The following MYBPC1 variants were observed in gnomAD, a reference collection of about 807,000 sequenced individuals.
MYBPC1 encodes the protein myosin-binding protein C, slow-type.
A neutral mutation model predicts 147.1 loss-of-function variants in MYBPC1; 52 were observed. That is an observed-to-expected ratio of 0.35 (90% CI 0.28 to 0.45). MYBPC1 has a LOEUF of 0.45. MYBPC1 is among the 20% of genes least tolerant of loss of function. The probability of loss-of-function intolerance (pLI) is 1.00; values close to 1 mark genes in which losing one functional copy is unlikely to be tolerated. For synonymous variants in MYBPC1, 477 were observed against 475.9 expected (o/e 1.00, Z -0.03); for missense variants, 1,228 against 1,440.3 (o/e 0.85, Z 2.39).
At chr12:101,621,754 A>G (rs1887449867) in intron 3 of MYBPC1, among the ~76,000 whole-genome samples, 1 of 152,172 alleles carries the variant, frequency 6.6e-6, no homozygotes, top group Admixed American at 6.5e-5. Context: ...CTTTATGCCC[A>G]AGAGAGTTTG....
chr12:101,644,004 A>G, intron 11 of MYBPC1, among the ~76,000 whole-genome samples: 1 of 152,178 alleles, frequency 6.6e-6, no homozygotes, highest in East Asian at 1.9e-4. Context: ...ACTAACAGTA[A>G]TTCTGCTGGA....
Position 101,595,006 on chromosome 12 carries a change from G to A in MYBPC1, c.-65G>A. On this transcript the variant is annotated 5_prime_UTR_variant, in exon 1 of 32. Coordinates refer to ENST00000361466, the MANE Select transcript of MYBPC1 (RefSeq NM_002465.4). ...CCTGCACCATCTCTCGCCTGCCTGT[G>A]GGGTTTCTGTCAACTAGTCGTGGAG... The A allele has an allele frequency of 6.5e-7, 1 of 1,527,288 alleles. No individual in the cohort carries two copies. The highest frequency in any genetic ancestry group is 2.3e-5 in the East Asian group (1 of 44,410). The allele number at this position is 1,527,288 out of a possible 1,614,324, so 94.6% of individuals were successfully genotyped here.
rs1234245083 is a variant in MYBPC1 at position 101,614,433 on chromosome 12, T to C, written c.26-63T>C. The C allele has an allele frequency of 1.9e-6, 3 of 1,593,624 alleles. No individual in the cohort carries two copies. The African/African-American group carries it at 4.1e-5, about 22-fold the overall frequency. ...CTGCAGCAGAAGCTGCCTGGGGCTG[T>C]AGAAAGCAGTTCTTCTCTGTGATAA... On this transcript the variant is annotated intron_variant, in intron 1 of 31. Coordinates refer to ENST00000361466, the MANE Select transcript of MYBPC1 (RefSeq NM_002465.4).
intron 4 of MYBPC1, 84 bp from the exon 5 acceptor site, chr12:101,627,685 G>A: frequency 6.7e-7 from 1 of 1,482,450 alleles, no homozygotes; most frequent in African/African-American, 1.4e-5. Context: ...AGGGTTTAGG[G>A]GAATCCAAGA....
chr12:101,613,115 A>G (rs1469543175), intron 1 of MYBPC1, among the ~76,000 whole-genome samples: 2 of 152,242 alleles, frequency 1.3e-5, no homozygotes, highest in African/African-American at 4.8e-5. Context: ...TTTTTAAAAA[A>G]CAATAAATTG....
In MYBPC1 at chr12:101,651,365, G is replaced by T; in HGVS notation, c.1498G>T (p.Asp500Tyr). The part of the protein sequence containing the change: ...TKNGLPVQES[D>Y]RLKVVHKGRI... ...AAATGGCCTACCTGTTCAGGAGAGT[G>T]ACCGTCTAAAGGTGGTTCACAAGGG... Residue 500 changes from aspartate (D) to tyrosine (Y), a missense_variant, in exon 16 of 32, where the codon GAC becomes TAC. By Grantham distance (160) the Asp-to-Tyr change is radical. This residue lies in a region of MYBPC1 where 1,077 missense variants were observed against 1,314.2 expected (regional missense o/e 0.82). Transcript: ENST00000361466. 6.2e-7 allele frequency: 1 copy of T among 1,614,120 alleles called. No homozygotes were observed. The highest frequency in any genetic ancestry group is 1.1e-5 in the South Asian group (1 of 91,048).
intron 3 of MYBPC1, among the ~76,000 whole-genome samples, chr12:101,625,565 C>T (rs2135972968): frequency 6.6e-6 from 1 of 152,314 alleles, no homozygotes; most frequent in Admixed American, 6.5e-5. Context: ...TTAGTTAGTG[C>T]AGCTTTTCAT....
Position 101,642,503 on chromosome 12 carries a change from C to G in MYBPC1, c.750C>G (p.Ile250Met). 1 of 1,613,844 alleles carries G rather than the reference C, an allele frequency of 6.2e-7. No individual in the cohort carries two copies. The highest frequency in any genetic ancestry group is 8.5e-7 in the Non-Finnish European group (1 of 1,179,922). Reference sequence around the variant, plus strand: ...CGAAACCCAGTGAGTACGAGAAGATCGCCTTCCAGTATGGAATCACCGACC... The same window carrying G: ...CGAAACCCAGTGAGTACGAGAAGATGGCCTTCCAGTATGGAATCACCGACC... ...KNAKPSEYEK[I>M]AFQYGITDLR... is the part of the protein sequence containing the mutation. Residue 250 changes from isoleucine to methionine, a missense_variant, in exon 11 of 32, where the codon ATC becomes ATG. Physicochemically the swap from Ile to Met is conservative, Grantham distance 10. Transcript: ENST00000361466.
chr12:101,687,156 G>A (rs979065830), downstream of MYBPC1, among the ~76,000 whole-genome samples: 1 of 152,012 alleles, frequency 6.6e-6, no homozygotes, highest in Admixed American at 6.5e-5. Context: ...CATGTGCCAT[G>A]TTGGTGTGCT....
intron 8 of MYBPC1, 110 bp from the exon 9 acceptor site, chr12:101,634,444 C>A (rs181488415): frequency 1.6e-5 from 14 of 880,668 alleles, no homozygotes; most frequent in African/African-American, 5.0e-5. Context: ...AAGCCTCCCC[C>A]CTTCACCTGA....
chr12:101,666,894 T>TACAC (rs1201276523), intron 22 of MYBPC1: 7,077 of 312,146 alleles, frequency 0.023, 261 homozygotes, highest in African/African-American at 0.12. Flanking sequence ...ATCACATACA[T>TACAC]ACACACACAC....
chr12:101,683,231 A>C (rs1341369570), intron 30 of MYBPC1, among the ~76,000 whole-genome samples: 3 of 152,060 alleles, frequency 2.0e-5, no homozygotes, highest in Admixed American at 6.6e-5. Flanking sequence ...GGAGTCCAAG[A>C]TCAGATTGGG....
intron 2 of MYBPC1, among the ~76,000 whole-genome samples, chr12:101,616,685 A>C (rs1282858006): frequency 1.3e-5 from 2 of 152,126 alleles, no homozygotes; most frequent in East Asian, 3.8e-4. Context: ...ATTTATTGCC[A>C]CTAAACCCAA....
intron 19 of MYBPC1, chr12:101,660,550 G>T (rs998121964): frequency 6.2e-6 from 1 of 161,022 alleles, no homozygotes; most frequent in African/African-American, 2.4e-5. Context: ...CGGGTTTAAG[G>T]GATTTGGAGA....
intron 23 of MYBPC1, 88 bp from the exon 24 acceptor site, chr12:101,670,233 C>A (rs566527602): frequency 5.9e-4 from 590 of 994,396 alleles, no homozygotes; most frequent in Non-Finnish European, 8.5e-4. Context: ...CAAGGGTACG[C>A]TGGTGAGCAT....
At chr12:101,688,967 A>G (rs1951384390), downstream of MYBPC1, among the ~76,000 whole-genome samples, 1 of 35,578 alleles carries the variant, frequency 2.8e-5, no homozygotes. Context: ...AAAAAAAAAA[A>G]AGAAAAAGAA....
At chr12:101,620,314 G>T (rs1374940345) in intron 3 of MYBPC1, among the ~76,000 whole-genome samples, 1 of 152,188 alleles carries the variant, frequency 6.6e-6, no homozygotes, top group African/African-American at 2.4e-5. Context: ...CAAATTGATG[G>T]AACACTAAAT....
At chr12:101,641,962 T>C (rs1014688629) in intron 10 of MYBPC1, among the ~76,000 whole-genome samples, 1 of 152,196 alleles carries the variant, frequency 6.6e-6, no homozygotes, top group African/African-American at 2.4e-5. Flanking sequence ...TTAGCTAGGG[T>C]GTGTACATCA....
At chr12:101,667,392 A>T (rs1157191977) in intron 22 of MYBPC1, among the ~76,000 whole-genome samples, 1 of 152,236 alleles carries the variant, frequency 6.6e-6, no homozygotes, top group Admixed American at 6.5e-5. Flanking sequence ...TGATTGCATG[A>T]ATCATTATAA....
Sources: allele counts gnomAD v4.1 joint callset (sites outside exome capture counted in the v4.1 genomes callset), GRCh38; gene constraint gnomAD v4.1.1; regional missense constraint gnomAD v4.1.1; transcripts MANE v1.5; gene names NCBI Gene and HGNC (gene_info 2026-07-23, HGNC 2026-07-21).